The following STPG1 variants were observed in gnomAD, a reference collection of about 807,000 sequenced individuals.
The protein encoded by STPG1 is sperm tail PG-rich repeat containing 1.
In STPG1, 33 loss-of-function variants were observed where a neutral mutation model predicts 40.1. The ratio of observed to expected loss-of-function variants is 0.82; its 90% CI spans 0.62 to 1.10. The LOEUF is 1.10. Ranked by LOEUF, STPG1 falls within the 50% of genes least tolerant of loss-of-function variation. The pLI, the probability that STPG1 is intolerant of heterozygous loss-of-function variation, is 0.00. For missense variants in STPG1, 396 were observed against 415.1 expected (o/e 0.95, Z 0.40); for synonymous variants, 150 against 155.0 (o/e 0.97, Z 0.24).
intron 3 of STPG1, among the ~76,000 whole-genome samples, chr1:24,387,522 C>T (rs1334105796): frequency 1.3e-5 from 2 of 152,140 alleles, no homozygotes; most frequent in Non-Finnish European, 2.9e-5. Flanking sequence ...GAAACAGGGT[C>T]TGAGGACCAG....
chr1:24,378,084 C>A (rs1418406209), intron 5 of STPG1, among the ~76,000 whole-genome samples: 2 of 150,562 alleles, frequency 1.3e-5, no homozygotes, highest in Non-Finnish European at 2.9e-5. Context: ...TTGGACTGCC[C>A]AGTATAGTAG....
In STPG1 at chr1:24,358,538, C is replaced by T; in HGVS notation, c.*5G>A. ...TGGAGTTCTCCTTGACCTTGTGTGACATCCCTACAGAACCGGGATCCATTT... is the reference window on the plus strand; with the variant it reads ...TGGAGTTCTCCTTGACCTTGTGTGATATCCCTACAGAACCGGGATCCATTT... On this transcript the variant is annotated 3_prime_UTR_variant, in exon 9 of 9. Transcript: ENST00000337248. 6.2e-7 allele frequency: 1 copy of T among 1,611,626 alleles called. No homozygotes were observed. Among genetic ancestry groups the T allele is most frequent in the African/African-American group, 1.3e-5 (1 of 75,032 alleles).
In STPG1 at chr1:24,359,182, G is replaced by A. The variant is rs1640923235; in HGVS notation, c.929-563C>T. Among the ~76,000 whole-genome samples, 1 of 152,230 alleles carries A rather than the reference G, an allele frequency of 6.6e-6. No individual in the cohort carries two copies. Among genetic ancestry groups the A allele is most frequent in the South Asian group, 2.1e-4 (1 of 4,838 alleles). On this transcript the variant is annotated intron_variant, in intron 8 of 8. Coordinates refer to ENST00000337248, the MANE Select transcript of STPG1 (RefSeq NM_001199013.2). The surrounding 1 kb of genome is among the most constrained non-coding windows in gnomAD (Gnocchi z 5.3). Reference sequence around the variant, plus strand: ...GGTATACCTGAGTTTACTGGAAGCTGAGCAGGCAGATGCCGGCACGTGCAC... The same window carrying A: ...GGTATACCTGAGTTTACTGGAAGCTAAGCAGGCAGATGCCGGCACGTGCAC...
intron 5 of STPG1, among the ~76,000 whole-genome samples, chr1:24,374,802 T>A (rs1242262046): frequency 6.6e-6 from 1 of 151,796 alleles, no homozygotes. Context: ...TTTTTTGTGT[T>A]TTTTGTAGAG....
chr1:24,410,442 C>G (rs990728187), intron 1 of STPG1, among the ~76,000 whole-genome samples: 1 of 152,116 alleles, frequency 6.6e-6, no homozygotes, highest in Admixed American at 6.5e-5. Context: ...AACCCCATGT[C>G]TACTAAAAAT....
chr1:24,398,535 G>C (rs1297828164), intron 2 of STPG1, among the ~76,000 whole-genome samples: 1 of 151,990 alleles, frequency 6.6e-6, no homozygotes, highest in Non-Finnish European at 1.5e-5. Flanking sequence ...TAAAATATAT[G>C]GATGAGAAAG....
Position 24,364,383 on chromosome 1 carries a change from G to A in STPG1, c.738-3342C>T, listed in dbSNP as rs1569977984. The A allele has an allele frequency of 3.9e-6, 6 of 1,529,690 alleles. 1 individual carries two copies. In the Middle Eastern group the frequency reaches 6.8e-4, roughly 172 times the overall value. The allele number at this position is 1,529,690 out of a possible 1,614,324, so 94.8% of individuals were successfully genotyped here. ...TAAACTCGGAATGACACACCCACCT[G>A]GAGGAGAGGTGGAAGGACGACGGCA... On this transcript the variant is annotated intron_variant, in intron 7 of 8. Coordinates refer to ENST00000337248, the MANE Select transcript of STPG1 (RefSeq NM_001199013.2).
At chr1:24,402,758 C>T (rs1294910167) in intron 1 of STPG1, among the ~76,000 whole-genome samples, 1 of 134,964 alleles carries the variant, frequency 7.4e-6, no homozygotes, top group African/African-American at 3.0e-5. Context: ...AAAAAAAAAA[C>T]AAAAAAAAAC....
At chr1:24,365,512 C>T (rs1052938583) in intron 7 of STPG1, among the ~76,000 whole-genome samples, 1 of 152,226 alleles carries the variant, frequency 6.6e-6, no homozygotes, top group African/African-American at 2.4e-5. Context: ...GAGAAGTCCT[C>T]TTAGCTTTGA....
chr1:24,389,863 G>A (rs752797582), intron 3 of STPG1, among the ~76,000 whole-genome samples: 14 of 152,322 alleles, frequency 9.2e-5, no homozygotes, highest in Non-Finnish European at 1.8e-4. Flanking sequence ...ACCTACAAGT[G>A]ATTTAAAACT....
intron 5 of STPG1, 120 bp downstream of exon 5, chr1:24,379,533 C>A (rs1218237690): frequency 2.7e-5 from 32 of 1,186,352 alleles, no homozygotes; most frequent in Non-Finnish European, 3.6e-5. Flanking sequence ...GGGTAGTCAA[C>A]AAATGCTAAC....
chr1:24,379,493 A>G (rs1382528841), intron 5 of STPG1, 160 bp downstream of exon 5: 1 of 729,870 alleles, frequency 1.4e-6, no homozygotes. Flanking sequence ...AATTCCCTGT[A>G]AGAGTCTTGT....
intron 7 of STPG1, among the ~76,000 whole-genome samples, chr1:24,361,247 C>T (rs1472671505): frequency 6.6e-6 from 1 of 152,132 alleles, no homozygotes; most frequent in Non-Finnish European, 1.5e-5. Flanking sequence ...CATGATGGGA[C>T]CTACTTTGAG....
chr1:24,412,547 T>C (rs1426290498), intron 1 of STPG1, among the ~76,000 whole-genome samples: 1 of 152,200 alleles, frequency 6.6e-6, no homozygotes, highest in Non-Finnish European at 1.5e-5. Flanking sequence ...ATCTTCAGTC[T>C]ATTTCCTCAC....
At chr1:24,412,655 C>G (rs1416877216) in intron 1 of STPG1, among the ~76,000 whole-genome samples, 1 of 152,082 alleles carries the variant, frequency 6.6e-6, no homozygotes, top group Non-Finnish European at 1.5e-5. Flanking sequence ...GACAGAAGTT[C>G]AAGACTACCC....
In STPG1 at chr1:24,369,813, C is replaced by T. The variant is rs1332652301; in HGVS notation, c.598G>A (p.Val200Met). 6.2e-7 allele frequency: 1 copy of T among 1,609,946 alleles called. No individual in the cohort carries two copies. The highest frequency in any genetic ancestry group is 1.7e-5 in the Admixed American group (1 of 59,588). The change falls in exon 7 of 9, where the codon GTG becomes ATG. Residue 200 changes from valine to methionine, a missense_variant. Physicochemically the swap from Val to Met is conservative, Grantham distance 21 (BLOSUM62 1). Transcript: ENST00000337248. ...PGHYDINESL[V>M]KQSPNTLMSC... ...ATTAATGTATTTGGCGACTGCTTCACAAGGGATTCGTTGATATCATAATGC... is the reference window on the plus strand; with the variant it reads ...ATTAATGTATTTGGCGACTGCTTCATAAGGGATTCGTTGATATCATAATGC...
At chr1:24,390,423 G>C (rs74996698) in intron 3 of STPG1, among the ~76,000 whole-genome samples, 1,643 of 152,244 alleles carry the variant, frequency 0.011, 27 homozygotes, top group African/African-American at 0.037. Context: ...TGTTGTTGTG[G>C]TGGTGGTGAT....
chr1:24,365,056 C>T (rs12130614), intron 7 of STPG1, among the ~76,000 whole-genome samples: 6,677 of 152,184 alleles, frequency 0.044, 225 homozygotes, highest in South Asian at 0.097. Context: ...AAAGGGCAGC[C>T]GATTGCCTCT....
In STPG1 at chr1:24,386,581, A is replaced by G. The variant is rs1642514237; in HGVS notation, c.190-2578T>C. Among the ~76,000 whole-genome samples the G allele has an allele frequency of 2.6e-5, 4 of 152,244 alleles. No individual in the cohort carries two copies. In the South Asian group the frequency reaches 8.3e-4, roughly 32 times the overall value. ...GGAGGGTAAATGGTGGTTGACCAGC[A>G]CACCACCGCCTTCGTGCAACGCCCA... On this transcript the variant is annotated intron_variant, in intron 3 of 8. Coordinates refer to ENST00000337248, the MANE Select transcript of STPG1 (RefSeq NM_001199013.2).
Sources: gnomAD v4.1 joint callset for allele counts (sites outside exome capture counted in the v4.1 genomes callset) on GRCh38, gnomAD v4.1.1 for gene constraint, Gnocchi (gnomAD v3.1) non-coding constraint, MANE v1.5 for transcripts, NCBI Gene and HGNC (gene_info 2026-07-23, HGNC 2026-07-21) for gene names.